TFAP2A: variants seen among roughly 807,000 people sequenced by gnomAD.
The protein encoded by TFAP2A is transcription factor AP-2-alpha.
Under a neutral mutation model 41.5 loss-of-function variants are expected in TFAP2A, and 7 were observed. The ratio of observed to expected loss-of-function variants is 0.17; its 90% CI spans 0.10 to 0.32. The LOEUF is 0.32. TFAP2A is among the 10% of genes least tolerant of loss of function. TFAP2A has a pLI of 1.00. For missense variants in TFAP2A, 416 were observed against 563.3 expected (o/e 0.74, Z 2.65); for synonymous variants, 247 against 242.8 (o/e 1.02, Z -0.16).
chr6:10,405,617 T>C (rs1416156810), intron 3 of TFAP2A: 1 of 152,148 alleles, frequency 6.6e-6, no homozygotes, highest in African/African-American at 2.4e-5. Context: ...GCAGAAAGTA[T>C]ACTAATGCAT....
chr6:10,412,945 G>C (rs1261460958), intron 1 of TFAP2A: 2 of 152,862 alleles, frequency 1.3e-5, no homozygotes, highest in African/African-American at 4.8e-5. Context: ...CGGGATGCGG[G>C]CCGGGGCGCG....
intron 6 of TFAP2A, among the ~76,000 whole-genome samples, chr6:10,399,866 C>T (rs756732821): frequency 1.1e-4 from 16 of 151,970 alleles, no homozygotes; most frequent in Non-Finnish European, 1.8e-4. Flanking sequence ...TGACTTCTCG[C>T]CTGTGGGCTA....
chr6:10,411,257 A>C (rs1267364538), intron 1 of TFAP2A, among the ~76,000 whole-genome samples: 1 of 152,170 alleles, frequency 6.6e-6, no homozygotes, highest in Non-Finnish European at 1.5e-5. Flanking sequence ...AATGTTGAGA[A>C]CATCTCGGGG....
rs1757967788 is a variant in TFAP2A at position 10,411,515 on chromosome 6, GT to G, written c.52-1181del. The G allele has an allele frequency of 1.9e-6, 3 of 1,607,614 alleles. No individual in the cohort carries two copies. In the South Asian group the frequency reaches 3.3e-5, roughly 18 times the overall value. ...GTTTCGGGCAGCTCCACGGCACCAG[GT>G]TTCCAGAATCCAATTCCTAAAGAAA... On this transcript the variant is annotated intron_variant, in intron 1 of 6. Coordinates refer to ENST00000379613, the MANE Select transcript of TFAP2A (RefSeq NM_001372066.1).
intron 5 of TFAP2A, among the ~76,000 whole-genome samples, chr6:10,401,690 T>G (rs1486883833): frequency 6.6e-6 from 1 of 152,188 alleles, no homozygotes; most frequent in Admixed American, 6.5e-5. Context: ...CCTGTTAGCA[T>G]GAGATATTTA....
In TFAP2A at chr6:10,410,416, A is replaced by G; in HGVS notation, c.52-81T>C. Reference sequence around the variant, plus strand: ...CTATCCACACAAAATCCACTTGACAAGTCTGCGTGGGAAATCGCCCGTTCC... The same window carrying G: ...CTATCCACACAAAATCCACTTGACAGGTCTGCGTGGGAAATCGCCCGTTCC... On this transcript the variant is annotated intron_variant, in intron 1 of 6. Transcript: ENST00000379613. 4 of 1,431,918 alleles carry G rather than the reference A, an allele frequency of 2.8e-6. No homozygotes were observed. The South Asian group carries it at 4.9e-5, about 17-fold the overall frequency. 88.7% of individuals were successfully genotyped at this position (1,431,918 alleles called of 1,614,324 possible).
intron 2 of TFAP2A, chr6:10,407,222 C>A: frequency 3.6e-6 from 1 of 275,690 alleles, no homozygotes; most frequent in Non-Finnish European, 7.0e-6. Context: ...TTTAGCAATT[C>A]CAGTGTTCAG....
chr6:10,399,189 C>T (rs1265252795), intron 6 of TFAP2A, among the ~76,000 whole-genome samples: 1 of 152,176 alleles, frequency 6.6e-6, no homozygotes, highest in Non-Finnish European at 1.5e-5. Context: ...GAAGTCCACA[C>T]TCGTTCACCT....
intron 2 of TFAP2A, chr6:10,408,023 T>C (rs955112976): frequency 1.3e-5 from 2 of 152,254 alleles, no homozygotes; most frequent in Non-Finnish European, 2.9e-5. Context: ...AAATGTAGTG[T>C]GGCATAATAC....
intron 2 of TFAP2A, chr6:10,407,379 T>TAAAGACTAAAG (rs1257488936): frequency 6.5e-6 from 1 of 153,864 alleles, no homozygotes; most frequent in Non-Finnish European, 1.4e-5. Context: ...GAAAGACTAC[T>TAAAGACTAAAG]GCCTAAGCCT....
Position 10,414,667 on chromosome 6 carries a change from T to C in TFAP2A, c.51+274A>G. 3 of 586,064 alleles carry C rather than the reference T, an allele frequency of 5.1e-6. No individual in the cohort carries two copies. The South Asian group carries it at 5.9e-5, about 12-fold the overall frequency. 36.3% of individuals were successfully genotyped at this position (586,064 alleles called of 1,614,324 possible). A position where few individuals can be genotyped will look rare whatever the true frequency, so the allele number is the denominator to read the frequency against. On this transcript the variant is annotated intron_variant, in intron 1 of 6. Coordinates refer to ENST00000379613, the MANE Select transcript of TFAP2A (RefSeq NM_001372066.1). Reference sequence around the variant, plus strand: ...GCTTCAAAAGCCCATGTTCTTCTTTTCCCCCATTCTTAGGCACAGCCAAAA... The same window carrying C: ...GCTTCAAAAGCCCATGTTCTTCTTTCCCCCCATTCTTAGGCACAGCCAAAA...
rs12206226 is a variant in TFAP2A, at chr6:10,411,192, C to T, written c.52-857G>A. On this transcript the variant is annotated intron_variant, in intron 1 of 6. Coordinates refer to ENST00000379613, the MANE Select transcript of TFAP2A (RefSeq NM_001372066.1). The stretch of plus-strand genomic sequence containing the variant: ...ACCCTCGGCGGTTCGGCCGCAGGTC[C>T]CGAGGGTAGGGGGCACACCGCGCTG... Among the ~76,000 whole-genome samples the T allele has an allele frequency of 8.4e-3, 1,275 of 152,176 alleles. 11 individuals carry two copies. Among genetic ancestry groups the T allele is most frequent in the Middle Eastern group, 0.014 (4 of 294 alleles).
upstream of TFAP2A, chr6:10,417,099 C>T (rs971726776): frequency 5.2e-5 from 8 of 152,700 alleles, no homozygotes; most frequent in African/African-American, 1.7e-4. Flanking sequence ...CCAGCAGCGG[C>T]CATAGCCTGA....
In TFAP2A at chr6:10,398,750, T is replaced by C. The variant is rs558854227; in HGVS notation, c.1032-45A>G. The C allele has an allele frequency of 1.1e-4, 179 of 1,603,880 alleles. No homozygotes were observed. The African/African-American group carries it at 1.4e-3, about 13-fold the overall frequency. Reference sequence around the variant, plus strand: ...GAGAGAGAGACATAAGGCTCCACTATGGGCAGCACTAGCAGCAAAGAGAAA... The same window carrying C: ...GAGAGAGAGACATAAGGCTCCACTACGGGCAGCACTAGCAGCAAAGAGAAA... On this transcript the variant is annotated intron_variant, in intron 6 of 6. Transcript: ENST00000379613. The surrounding 1 kb of genome is among the most constrained non-coding windows in gnomAD (Gnocchi z 5.3).
intron 1 of TFAP2A, chr6:10,411,749 G>C (rs1757981329): frequency 2.7e-6 from 4 of 1,497,828 alleles, no homozygotes; most frequent in Non-Finnish European, 3.6e-6. Flanking sequence ...GCTCCCCGGA[G>C]CGCGGGAGCC....
chr6:10,404,587 C>T lies in TFAP2A; in HGVS notation c.691G>A (p.Val231Ile), dbSNP rs749849069. The part of the protein sequence containing the change: ...SLLSSTSKYK[V>I]TVAEVQRRLS... ...CGCCGCTGCACTTCCGCCACCGTGACCTTGTACTTCGAGGTGGAGCTGAGG... is the reference window on the plus strand; with the variant it reads ...CGCCGCTGCACTTCCGCCACCGTGATCTTGTACTTCGAGGTGGAGCTGAGG... Residue 231 changes from valine (V) to isoleucine (I), a missense_variant, in exon 4 of 7, where the codon GTC becomes ATC. Val to Ile is a conservative substitution (Grantham distance 29, BLOSUM62 3). This residue lies in a region of TFAP2A where 59 missense variants were observed against 135.4 expected (regional missense o/e 0.44). Transcript: ENST00000379613. The T allele has an allele frequency of 9.9e-6, 16 of 1,614,046 alleles. No individual in the cohort carries two copies. In the South Asian group the frequency reaches 1.6e-4, roughly 17 times the overall value.
In TFAP2A at chr6:10,398,275, GGCA is replaced by G. The variant is rs1328138243; in HGVS notation, c.*139_*141del. ...TCCCGGAGACTCGGGGGGACCCAAG[GGCA>G]GCGGCGGCGGCGGCGGCGGCAGCAG... is the stretch of plus-strand genomic sequence containing the variant. On this transcript the variant is annotated 3_prime_UTR_variant, in exon 7 of 7. Transcript: ENST00000379613. The surrounding 1 kb of genome is among the most constrained non-coding windows in gnomAD (Gnocchi z 5.3). 14 of 1,568,100 alleles carry G rather than the reference GGCA, an allele frequency of 8.9e-6. No homozygotes were observed. The highest frequency in any genetic ancestry group is 6.7e-5 in the African/African-American group (5 of 74,232).
At chr6:10,400,188 T>A (rs1466042097) in intron 6 of TFAP2A, among the ~76,000 whole-genome samples, 2 of 149,022 alleles carry the variant, frequency 1.3e-5, no homozygotes, top group East Asian at 3.9e-4. Flanking sequence ...AAACCCCTCC[T>A]ACAACCCACT....
intron 1 of TFAP2A, among the ~76,000 whole-genome samples, chr6:10,413,435 A>G (rs1344205197): frequency 6.6e-6 from 1 of 152,198 alleles, no homozygotes; most frequent in Admixed American, 6.5e-5. Flanking sequence ...CCACACCTGG[A>G]GCTGGGTTTC....
Sources: gnomAD v4.1 joint callset for allele counts (sites outside exome capture counted in the v4.1 genomes callset) on GRCh38, gnomAD v4.1.1 for gene constraint, gnomAD v4.1.1 regional missense constraint, Gnocchi (gnomAD v3.1) non-coding constraint, MANE v1.5 for transcripts, NCBI Gene and HGNC (gene_info 2026-07-23, HGNC 2026-07-21) for gene names.